KHDC4: variants seen among roughly 807,000 people sequenced by gnomAD.
KHDC4 encodes KH domain containing 4, pre-mRNA splicing factor.
Under a neutral mutation model 74.5 loss-of-function variants are expected in KHDC4, and 19 were observed. The ratio of observed to expected loss-of-function variants is 0.26; its 90% CI spans 0.18 to 0.37. KHDC4 has a LOEUF of 0.37. Ranked by LOEUF, KHDC4 falls within the 10% of genes least tolerant of loss-of-function variation. The pLI is 1.00. For synonymous variants in KHDC4, 253 were observed against 266.1 expected, an observed-to-expected ratio of 0.95 and a Z score of 0.48; for missense variants, 632 against 754.1, an observed-to-expected ratio of 0.84 and a Z score of 1.90.
chr1:155,918,363 C>T (rs1323637906), intron 10 of KHDC4, among the ~76,000 whole-genome samples: 2 of 152,018 alleles, frequency 1.3e-5, no homozygotes, highest in Non-Finnish European at 2.9e-5. Flanking sequence ...CTCAGCCTGC[C>T]GAGGGACTAC....
At chr1:155,923,303 T>C (rs1461821844) in intron 8 of KHDC4, among the ~76,000 whole-genome samples, 1 of 152,166 alleles carries the variant, frequency 6.6e-6, no homozygotes, top group South Asian at 2.1e-4. Context: ...TTTTAAATTA[T>C]TATAGTTCTA....
In KHDC4 at chr1:155,934,344, T is replaced by C. The variant is rs769977462; in HGVS notation, c.30A>G (p.Gly10=). 4.2e-5 allele frequency: 67 copies of C among 1,610,622 alleles called. 1 individual carries two copies. In the South Asian group the frequency reaches 7.1e-4, roughly 17 times the overall value. Residue 10 remains glycine (G), a synonymous_variant, in exon 1 of 14, where the codon GGA becomes GGG. Coordinates refer to ENST00000368321, the MANE Select transcript of KHDC4 (RefSeq NM_014949.4). ...CGCCCCTGAAGCCGTACCCGCCAGC[T>C]CCAGGATGTGTCGCGCTCCCCGCGG... MSAGSATHP[G]AGGRRSKWDQ... is the part of the protein sequence containing the mutation.
Position 155,921,600 on chromosome 1 carries a change from A to G in KHDC4, c.1041T>C (p.Ser347=), listed in dbSNP as rs1673865038. The change falls in exon 10 of 14, where the codon AGT becomes AGC. Residue 347 remains serine (S), a synonymous_variant. Coordinates refer to ENST00000368321, the MANE Select transcript of KHDC4 (RefSeq NM_014949.4). The part of the protein sequence containing the change: ...PGYTQPSAIS[S]VPPQPPYYPS... ...GATAATATGGTGGTTGAGGAGGGAC[A>G]CTACTTATAGCAGAGGGTTGTGTAT... 6.2e-7 allele frequency: 1 copy of G among 1,614,014 alleles called. No homozygotes were observed. The highest frequency in any genetic ancestry group is 8.5e-7 in the Non-Finnish European group (1 of 1,180,022).
At chr1:155,929,220 C>T (rs1572013692) in intron 4 of KHDC4, 76 bp downstream of exon 4, 3 of 997,304 alleles carry the variant, frequency 3.0e-6, no homozygotes, top group Non-Finnish European at 4.8e-6. Context: ...ACACGTATTA[C>T]CTAAGGATAA....
chr1:155,933,875 A>T, intron 1 of KHDC4, 26 bp from the exon 2 acceptor site: 1 of 1,482,828 alleles, frequency 6.7e-7, no homozygotes, highest in Non-Finnish European at 9.0e-7. Flanking sequence ...GGAAAACATT[A>T]GGCCCCAAAG....
At position 155,933,781 on chromosome 1, in the gene KHDC4, C is replaced by A. The variant is rs1169194221; in HGVS notation, c.107G>T (p.Gly36Val). ...LLFLPPAAPGGEVTSSGGSPG... is the reference protein window; with the variant it reads ...LLFLPPAAPGVEVTSSGGSPG... Reference sequence around the variant, plus strand: ...ACTTCCCCCACTGCTGGTGACCTCCCCACCTGGGGCCGCTGGCGGGAGGAA... The same window carrying A: ...ACTTCCCCCACTGCTGGTGACCTCCACACCTGGGGCCGCTGGCGGGAGGAA... Residue 36 changes from glycine (G) to valine (V), a missense_variant, in exon 2 of 14, where the codon GGG becomes GTG. By Grantham distance (109) the Gly-to-Val change is moderately radical (BLOSUM62 -3). Around this residue, in one of 4 missense-constraint regions of KHDC4, gnomAD observed 104 missense variants for 78.1 expected, o/e 1.33. Coordinates refer to ENST00000368321, the MANE Select transcript of KHDC4 (RefSeq NM_014949.4). 7.5e-6 allele frequency: 12 copies of A among 1,596,794 alleles called. No homozygotes were observed. The Admixed American group carries it at 1.4e-4, about 19-fold the overall frequency.
At chr1:155,921,120 A>G (rs1673853910) in intron 10 of KHDC4, 2 of 489,008 alleles carry the variant, frequency 4.1e-6, no homozygotes, top group East Asian at 7.1e-5. Flanking sequence ...GACCCTTTAT[A>G]GCAAGTGTGC....
intron 11 of KHDC4, among the ~76,000 whole-genome samples, chr1:155,917,187 G>GA (rs1244816211): frequency 6.6e-6 from 1 of 152,146 alleles, no homozygotes; most frequent in African/African-American, 2.4e-5. Flanking sequence ...AGTCTTGAGG[G>GA]GTGGGGAGAC....
chr1:155,929,180 A>G (rs1049238293), intron 4 of KHDC4, 116 bp downstream of exon 4: 19 of 723,842 alleles, frequency 2.6e-5, no homozygotes, highest in Non-Finnish European at 4.2e-5. Context: ...GCACACACAT[A>G]CCCCTCAAAC....
At chr1:155,927,346 T>C (rs1674025681) in intron 4 of KHDC4, among the ~76,000 whole-genome samples, 190 bp from the exon 5 acceptor site, 1 of 152,236 alleles carries the variant, frequency 6.6e-6, no homozygotes, top group South Asian at 2.1e-4. Flanking sequence ...AATAAACTTC[T>C]TGATTTTAAA....
chr1:155,916,823 AT>A (rs1225361014), intron 11 of KHDC4, 86 bp from the exon 12 acceptor site: 2 of 842,222 alleles, frequency 2.4e-6, no homozygotes, highest in Non-Finnish European at 3.9e-6. Flanking sequence ...CAAGTGCCTC[AT>A]CTTTCTGATA....
chr1:155,924,551 C>T (rs944151025), intron 7 of KHDC4, among the ~76,000 whole-genome samples: 8 of 149,520 alleles, frequency 5.4e-5, no homozygotes, highest in South Asian at 4.3e-4. Context: ...GAGATAATTC[C>T]GTCTCCTAAT....
Position 155,929,340 on chromosome 1 carries a change from T to C in KHDC4, c.420A>G (p.Arg140=), listed in dbSNP as rs1172821705. ...TTTCCTCAGTTGTCATGAACCTCCC[T>C]CGAGTTGATACTGCAGCCCCACTAA... ...SRLSGAAVST[R]GRFMTTEEKA... Residue 140 remains arginine (R), a synonymous_variant, in exon 4 of 14, where the codon CGA becomes CGG. Transcript: ENST00000368321. 6.2e-7 allele frequency: 1 copy of C among 1,614,052 alleles called. No individual in the cohort carries two copies. Among genetic ancestry groups the C allele is most frequent in the Admixed American group, 1.7e-5 (1 of 59,986 alleles).
At chr1:155,925,116 T>C (rs193101094) in intron 7 of KHDC4, among the ~76,000 whole-genome samples, 244 of 150,338 alleles carry the variant, frequency 1.6e-3, no homozygotes, top group African/African-American at 5.8e-3. Flanking sequence ...AAGCTCCACC[T>C]CCCGGGTTCA....
chr1:155,929,415 G>A (rs1674096329), intron 3 of KHDC4, 40 bp from the exon 4 acceptor site: 1 of 1,509,912 alleles, frequency 6.6e-7, no homozygotes, highest in African/African-American at 1.4e-5. Context: ...TGTGGCAATT[G>A]GTTGATTTCA....
intron 2 of KHDC4, among the ~76,000 whole-genome samples, chr1:155,931,727 T>C (rs954602003): frequency 3.3e-5 from 5 of 152,196 alleles, no homozygotes; most frequent in East Asian, 3.9e-4. Context: ...CCCCAACCTA[T>C]GTCTAGAAAA....
intron 10 of KHDC4, 109 bp from the exon 11 acceptor site, chr1:155,917,781 G>T: frequency 4.4e-6 from 4 of 912,114 alleles, no homozygotes; most frequent in Non-Finnish European, 6.5e-6. Flanking sequence ...TATGAATTTT[G>T]CATCTTCAGG....
chr1:155,917,394 G>T, intron 11 of KHDC4, 105 bp downstream of exon 11: 1 of 988,014 alleles, frequency 1.0e-6, no homozygotes, highest in Non-Finnish European at 1.6e-6. Flanking sequence ...ATTCCAGAAA[G>T]CAGAAATCCT....
At chr1:155,915,200 A>T (rs1673705828) in intron 13 of KHDC4, 1 of 151,752 alleles carries the variant, frequency 6.6e-6, no homozygotes, top group Admixed American at 6.6e-5. Flanking sequence ...GCTCACTGCA[A>T]CCTCCACCTC....
Sources: allele counts gnomAD v4.1 joint callset (sites outside exome capture counted in the v4.1 genomes callset), GRCh38; gene constraint gnomAD v4.1.1; regional missense constraint gnomAD v4.1.1; transcripts MANE v1.5; gene names NCBI Gene and HGNC (gene_info 2026-07-23, HGNC 2026-07-21).